Variants in PIK3C2B observed in about 807,000 individuals in gnomAD.
PIK3C2B encodes phosphatidylinositol-4-phosphate 3-kinase catalytic subunit type 2 beta, also known as phosphatidylinositol 4-phosphate 3-kinase C2 domain-containing subunit beta.
PIK3C2B carries 83 observed loss-of-function variants against 184.3 expected under a neutral mutation model. That is an observed-to-expected ratio of 0.45 (90% CI 0.38 to 0.54). The LOEUF (loss-of-function observed/expected upper bound fraction) is 0.54, where lower values mean the gene tolerates loss of function less well. PIK3C2B is among the 20% of genes least tolerant of loss of function. The probability of loss-of-function intolerance (pLI) is 0.00; values close to 1 mark genes in which losing one functional copy is unlikely to be tolerated. For synonymous variants in PIK3C2B, 779 were observed against 837.6 expected (o/e 0.93, Z 1.21); for missense variants, 1,736 against 2,113.5 (o/e 0.82, Z 3.50).
intron 2 of PIK3C2B, among the ~76,000 whole-genome samples, chr1:204,466,094 G>A (rs1041161798): frequency 3.3e-5 from 5 of 152,290 alleles, no homozygotes; most frequent in Non-Finnish European, 5.9e-5. Context: ...CAGTCACCCA[G>A]GAGGGTTCCT....
At chr1:204,484,184 C>CT (rs371951130) in intron 1 of PIK3C2B, among the ~76,000 whole-genome samples, 3 of 152,178 alleles carry the variant, frequency 2.0e-5, no homozygotes, top group Admixed American at 6.5e-5. Context: ...GGAAATATAC[C>CT]TTTTTTTCCC....
At chr1:204,465,467 A>T (rs2103510583) in intron 2 of PIK3C2B, 148 bp from the exon 3 acceptor site, 1 of 622,106 alleles carries the variant, frequency 1.6e-6, no homozygotes, top group East Asian at 2.8e-5. Flanking sequence ...CATATGGGAC[A>T]TCCGGGAATA....
chr1:204,466,828 C>T (rs190343044), intron 2 of PIK3C2B: 128 of 532,212 alleles, frequency 2.4e-4, no homozygotes, highest in African/African-American at 2.2e-3. Context: ...GGGAGTCTGC[C>T]GGGCAGAGGC....
At chr1:204,452,337 C>T (rs1338989318) in intron 12 of PIK3C2B, among the ~76,000 whole-genome samples, 7 of 109,928 alleles carry the variant, frequency 6.4e-5, no homozygotes, top group Admixed American at 1.5e-4. Flanking sequence ...GCTCTGTTGC[C>T]GAGGCTGGAT....
intron 2 of PIK3C2B, among the ~76,000 whole-genome samples, chr1:204,466,461 CCCCTGGG>C (rs1572368346): frequency 1.6e-5 from 2 of 127,278 alleles, no homozygotes; most frequent in Admixed American, 1.5e-4. Flanking sequence ...TAGGCTTGCT[CCCCTGGG>C]TGTGCATGGG....
chr1:204,470,198 C>T (rs1221197206), intron 1 of PIK3C2B, among the ~76,000 whole-genome samples: 12 of 145,726 alleles, frequency 8.2e-5, no homozygotes, highest in African/African-American at 2.8e-4. Context: ...GATGGAGTCT[C>T]GCTGTGTCAC....
intron 5 of PIK3C2B, among the ~76,000 whole-genome samples, chr1:204,463,550 T>C (rs917658196): frequency 2.6e-4 from 40 of 152,124 alleles, no homozygotes; most frequent in Admixed American, 1.8e-3. Context: ...AAAAGACTTG[T>C]TGGCAGGAGA....
Position 204,433,304 on chromosome 1 carries a change from G to GA in PIK3C2B, c.3953+11dup, listed in dbSNP as rs1558233473. ...GGTGGGCAGTGCTGATTCGCTCAGGGAATCATTTTACCTAGTGAAGTAGGT... is the reference window on the plus strand; with the variant it reads ...GGTGGGCAGTGCTGATTCGCTCAGGGAAATCATTTTACCTAGTGAAGTAGGT... On this transcript the variant is annotated intron_variant, in intron 26 of 32. Transcript: ENST00000684373. The surrounding 1 kb of genome is among the most constrained non-coding windows in gnomAD (Gnocchi z 5.0). The GA allele has an allele frequency of 7.1e-7, 1 of 1,402,434 alleles. No individual in the cohort carries two copies. The highest frequency in any genetic ancestry group is 1.7e-5 in the Admixed American group (1 of 59,264). 86.9% of individuals were successfully genotyped at this position (1,402,434 alleles called of 1,614,324 possible). A position where few individuals can be genotyped will look rare whatever the true frequency, so the allele number is the denominator to read the frequency against.
chr1:204,449,546 G>A (rs1164798017), intron 13 of PIK3C2B, among the ~76,000 whole-genome samples: 1 of 152,200 alleles, frequency 6.6e-6, no homozygotes, highest in African/African-American at 2.4e-5. Context: ...CATGAGGTGG[G>A]GAGGCTGGGC....
rs780955208 is a variant in PIK3C2B at position 204,469,200 on chromosome 1, T to C, written c.603A>G (p.Lys201=). ...CTTCTAGGATCCGATGCTCTAGCAG[T>C]TTGCCCGGCAATTGTTCGACCAAAG... ...TFSLVEQLPG[K]LLEHRILEEE... Residue 201 remains lysine, a synonymous_variant, in exon 2 of 33, where the codon AAA becomes AAG. Transcript: ENST00000684373. 7 of 1,611,762 alleles carry C rather than the reference T, an allele frequency of 4.3e-6. No individual in the cohort carries two copies. The highest frequency in any genetic ancestry group is 1.1e-5 in the South Asian group (1 of 90,908).
intron 5 of PIK3C2B, 143 bp downstream of exon 5, chr1:204,463,869 G>A: frequency 4.8e-6 from 4 of 834,416 alleles, no homozygotes; most frequent in Non-Finnish European, 5.7e-6. Flanking sequence ...GTGCTACGTG[G>A]CCGAGAGTGT....
chr1:204,454,854 C>T (rs1157364313), intron 11 of PIK3C2B, 63 bp from the exon 12 acceptor site: 10 of 1,555,080 alleles, frequency 6.4e-6, no homozygotes, highest in African/African-American at 2.7e-5. Flanking sequence ...CAAACCTATG[C>T]GTCCCTCTAA....
chr1:204,477,380 CA>C (rs1237775235), intron 1 of PIK3C2B, among the ~76,000 whole-genome samples: 2 of 152,134 alleles, frequency 1.3e-5, no homozygotes, highest in African/African-American at 2.4e-5. Flanking sequence ...AGAGGCACCC[CA>C]AAAAGCACCA....
In PIK3C2B at chr1:204,457,843, A is replaced by G; in HGVS notation, c.1598T>C (p.Val533Ala). The change falls in exon 9 of 33, where the codon GTC becomes GCC. Residue 533 changes from valine to alanine, a missense_variant. Around this residue, in one of 8 missense-constraint regions of PIK3C2B, gnomAD observed 609 missense variants for 699.2 expected, o/e 0.87. Coordinates refer to ENST00000684373, the MANE Select transcript of PIK3C2B (RefSeq NM_001377334.1). Reference protein sequence around the residue: ...GDFPLKADRVVQSVKAICNAL... With the variant: ...GDFPLKADRVAQSVKAICNAL... ...GTTGCAGATGGCCTTGACGGACTGGACCACCCTGTCAGCCTTCAGTGGGAA... is the reference window on the plus strand; with the variant it reads ...GTTGCAGATGGCCTTGACGGACTGGGCCACCCTGTCAGCCTTCAGTGGGAA... 6.2e-7 allele frequency: 1 copy of G among 1,613,178 alleles called. No individual in the cohort carries two copies. The highest frequency in any genetic ancestry group is 8.5e-7 in the Non-Finnish European group (1 of 1,179,712).
intron 5 of PIK3C2B, among the ~76,000 whole-genome samples, chr1:204,462,934 G>A (rs1482278487): frequency 6.6e-6 from 1 of 152,082 alleles, no homozygotes; most frequent in Non-Finnish European, 1.5e-5. Context: ...GCTTATGCCT[G>A]TAATCCCAGC....
intron 7 of PIK3C2B, 149 bp from the exon 8 acceptor site, chr1:204,460,090 A>AAGGG: frequency 1.4e-6 from 1 of 703,112 alleles, no homozygotes; most frequent in Non-Finnish European, 2.5e-6. Context: ...AGACATATAG[A>AAGGG]GGGAGAGTCT....
In PIK3C2B at chr1:204,441,556, G is replaced by A. The variant is rs1675662035; in HGVS notation, c.3164C>T (p.Ser1055Phe). The A allele has an allele frequency of 6.2e-7, 1 of 1,610,930 alleles. No individual in the cohort carries two copies. Among genetic ancestry groups the A allele is most frequent in the East Asian group, 2.2e-5 (1 of 44,858 alleles). ...LVKGIVPRDC[S>F]YFNSNAVPLK... The stretch of plus-strand genomic sequence containing the variant: ...GGGGACAGCATTGGAGTTGAAGTAG[G>A]AACAGTCCTGCCATGGTGAAAAGAT... Residue 1055 changes from serine (S) to phenylalanine (F), a missense_variant, in exon 21 of 33, where the codon TCC becomes TTC. Ser to Phe is a radical substitution (Grantham distance 155). This residue lies in a region of PIK3C2B where 289 missense variants were observed against 380.4 expected (regional missense o/e 0.76). Transcript: ENST00000684373.
chr1:204,456,131 G>C, intron 10 of PIK3C2B, 80 bp from the exon 11 acceptor site: 1 of 1,220,662 alleles, frequency 8.2e-7, no homozygotes, highest in Non-Finnish European at 1.2e-6. Context: ...TGGCTAGAAT[G>C]GGATGGCCTA....
intron 1 of PIK3C2B, among the ~76,000 whole-genome samples, chr1:204,472,712 G>A (rs1558275889): frequency 6.6e-6 from 1 of 152,058 alleles, no homozygotes; most frequent in Non-Finnish European, 1.5e-5. Context: ...CCCGGGAGGC[G>A]GAGGTTGCAG....
Sources: allele counts gnomAD v4.1 joint callset (sites outside exome capture counted in the v4.1 genomes callset), GRCh38; gene constraint gnomAD v4.1.1; regional missense constraint gnomAD v4.1.1; non-coding constraint Gnocchi (gnomAD v3.1); transcripts MANE v1.5; gene names NCBI Gene and HGNC (gene_info 2026-07-23, HGNC 2026-07-21).